The following GPRC5C variants were observed in gnomAD, a reference collection of about 807,000 sequenced individuals.
GPRC5C encodes the protein G protein-coupled receptor family C group 5 member C.
GPRC5C carries 22 observed loss-of-function variants against 31.4 expected under a neutral mutation model. The ratio of observed to expected loss-of-function variants is 0.70; its 90% CI spans 0.50 to 1.00. The LOEUF (loss-of-function observed/expected upper bound fraction) is 1.00. Ranked by LOEUF, GPRC5C falls within the 50% of genes least tolerant of loss-of-function variation. GPRC5C has a pLI of 0.00. For missense variants in GPRC5C, 557 were observed against 597.2 expected (o/e 0.93, Z 0.70); for synonymous variants, 249 against 257.5 (o/e 0.97, Z 0.32).
At position 74,440,131 on chromosome 17, in the gene GPRC5C, C is replaced by T. The variant is rs745465035; in HGVS notation, c.355C>T (p.Arg119Trp). 6.8e-6 allele frequency: 11 copies of T among 1,614,178 alleles called. No individual in the cohort carries two copies. The highest frequency in any genetic ancestry group is 4.5e-5 in the East Asian group (2 of 44,892). The part of the protein sequence containing the change: ...VKPDFSTCAS[R>W]RFLFGVLFAI... ...GCCCGACTTCTCCACCTGTGCCTCT[C>T]GGCGCTTCCTCTTTGGGGTTCTGTT... is the stretch of plus-strand genomic sequence containing the variant. The change falls in exon 2 of 4, where the codon CGG (arginine) becomes TGG (tryptophan). Residue 119 changes from arginine (R) to tryptophan (W), a missense_variant. By Grantham distance (101) the Arg-to-Trp change is moderately radical. Coordinates refer to ENST00000392627, the MANE Select transcript of GPRC5C (RefSeq NM_022036.4). This position sits in a 1 kb window ranked among gnomAD's most constrained non-coding sequence, Gnocchi z 4.4.
chr17:74,441,544 G>A (rs2055539997), intron 2 of GPRC5C, among the ~76,000 whole-genome samples: 1 of 152,140 alleles, frequency 6.6e-6, no homozygotes, highest in African/African-American at 2.4e-5. Flanking sequence ...ATTAGTGCCG[G>A]CTGGGCGCCA....
chr17:74,432,603 G>T (rs998795497), intron 1 of GPRC5C: 2 of 792,756 alleles, frequency 2.5e-6, no homozygotes, highest in African/African-American at 3.7e-5. Flanking sequence ...GCAGAGGCGG[G>T]GGGACTGGAC....
intron 2 of GPRC5C, among the ~76,000 whole-genome samples, chr17:74,441,513 G>T (rs1320965620): frequency 6.6e-6 from 1 of 152,028 alleles, no homozygotes; most frequent in South Asian, 2.1e-4. Flanking sequence ...ATTTCATAGG[G>T]TTCTTGTGAG....
chr17:74,432,945 A>AC, intron 1 of GPRC5C, among the ~76,000 whole-genome samples: 1 of 151,170 alleles, frequency 6.6e-6, no homozygotes, highest in South Asian at 2.1e-4. Flanking sequence ...GCAGGTGTAG[A>AC]CCCCAGTACC....
At chr17:74,432,998 G>A (rs1439600452) in intron 1 of GPRC5C, among the ~76,000 whole-genome samples, 2 of 152,040 alleles carry the variant, frequency 1.3e-5, no homozygotes, top group Non-Finnish European at 2.9e-5. Flanking sequence ...TCCCCCTGAG[G>A]GAAGTTTGGA....
rs372288571 is a variant in GPRC5C at position 74,446,818 on chromosome 17, C to T, written c.1147-31C>T. 31 of 1,559,324 alleles carry T rather than the reference C, an allele frequency of 2.0e-5. No individual in the cohort carries two copies. In the South Asian group the frequency reaches 2.3e-4, roughly 12 times the overall value. On this transcript the variant is annotated intron_variant, in intron 3 of 3. Transcript: ENST00000392627. ...CCGGCGGAACCTGGCTCCCAATCCC[C>T]GACTGTGAGACCGCCTGTTCTTCCT... is the stretch of plus-strand genomic sequence containing the variant.
intron 2 of GPRC5C, among the ~76,000 whole-genome samples, chr17:74,441,626 C>T (rs897998481): frequency 1.3e-5 from 2 of 152,204 alleles, no homozygotes; most frequent in East Asian, 3.9e-4. Flanking sequence ...AGTTTGAGAC[C>T]GGCCTGGACA....
At chr17:74,435,367 C>T in intron 1 of GPRC5C, among the ~76,000 whole-genome samples, 1 of 152,222 alleles carries the variant, frequency 6.6e-6, no homozygotes, top group East Asian at 1.9e-4. Flanking sequence ...CCAGGTTTCC[C>T]ACCTGAGTCC....
intron 1 of GPRC5C, among the ~76,000 whole-genome samples, chr17:74,437,611 A>C (rs912928424): frequency 1.3e-5 from 2 of 149,482 alleles, no homozygotes; most frequent in Non-Finnish European, 2.9e-5. Context: ...GTTCTTTCAC[A>C]TAACAATTAT....
Position 74,440,223 on chromosome 17 carries a change from C to T in GPRC5C, c.447C>T (p.His149=), listed in dbSNP as rs371327877. The change falls in exon 2 of 4, where the codon CAC becomes CAT. Residue 149 remains histidine (H), a synonymous_variant. Transcript: ENST00000392627. This position sits in a 1 kb window ranked among gnomAD's most constrained non-coding sequence, Gnocchi z 4.4. ...TCAACTTCCTGGCCCGGAAGAACCACGGGCCCCGGGGCTGGGTGATCTTCA... is the reference window on the plus strand; with the variant it reads ...TCAACTTCCTGGCCCGGAAGAACCATGGGCCCCGGGGCTGGGTGATCTTCA... ...FALNFLARKN[H]GPRGWVIFTV... 1.7e-5 allele frequency: 28 copies of T among 1,614,070 alleles called. No homozygotes were observed. Among genetic ancestry groups the T allele is most frequent in the Middle Eastern group, 1.6e-4 (1 of 6,080 alleles).
chr17:74,440,874 T>A lies in GPRC5C; in HGVS notation c.1051+47T>A. 1 of 1,426,698 alleles carries A rather than the reference T, an allele frequency of 7.0e-7. No individual in the cohort carries two copies. Among genetic ancestry groups the A allele is most frequent in the Non-Finnish European group, 9.2e-7 (1 of 1,081,802 alleles). The allele number at this position is 1,426,698 out of a possible 1,614,324, so 88.4% of individuals were successfully genotyped here. A position where few individuals can be genotyped will look rare whatever the true frequency, so the allele number is the denominator to read the frequency against. ...CAGTGGCCCCTTTCTCCATCCCATG[T>A]CTTTTACTGCAGGACAGGGAGCCAG... On this transcript the variant is annotated intron_variant, in intron 2 of 3. Coordinates refer to ENST00000392627, the MANE Select transcript of GPRC5C (RefSeq NM_022036.4). This position sits in a 1 kb window ranked among gnomAD's most constrained non-coding sequence, Gnocchi z 4.4.
Position 74,447,249 on chromosome 17 carries a change from G to A in GPRC5C, c.*221G>A. 1 of 1,304,770 alleles carries A rather than the reference G, an allele frequency of 7.7e-7. No individual in the cohort carries two copies. The highest frequency in any genetic ancestry group is 9.8e-7 in the Non-Finnish European group (1 of 1,025,440). 80.8% of individuals were successfully genotyped at this position (1,304,770 alleles called of 1,614,324 possible). A position where few individuals can be genotyped will look rare whatever the true frequency, so the allele number is the denominator to read the frequency against. On this transcript the variant is annotated 3_prime_UTR_variant, in exon 4 of 4. Coordinates refer to ENST00000392627, the MANE Select transcript of GPRC5C (RefSeq NM_022036.4). The stretch of plus-strand genomic sequence containing the variant: ...GTCGAGGAGCCAACCCCAGCCTCCT[G>A]CCAGGATCACCTCGGCGGTCACACT...
chr17:74,442,115 G>A (rs1567962336), intron 2 of GPRC5C, among the ~76,000 whole-genome samples: 1 of 152,090 alleles, frequency 6.6e-6, no homozygotes, highest in Non-Finnish European at 1.5e-5. Flanking sequence ...AGATTCTCCT[G>A]CCTCAGCCTC....
downstream of GPRC5C, chr17:74,448,682 C>G (rs1260572637): frequency 2.4e-6 from 1 of 413,376 alleles, no homozygotes; most frequent in Non-Finnish European, 4.9e-6. Context: ...CTCGGCCCAT[C>G]AGCTCATTTT....
chr17:74,445,268 A>G (rs7502368), intron 3 of GPRC5C: 91,324 of 117,860 alleles, frequency 0.77, 32,919 homozygotes, highest in Non-Finnish European at 0.82. Context: ...AATAAATAAG[A>G]AAAAAAAAAA....
intron 3 of GPRC5C, 64 bp from the exon 4 acceptor site, chr17:74,446,785 C>A: frequency 7.8e-7 from 1 of 1,276,894 alleles, no homozygotes; most frequent in Non-Finnish European, 1.1e-6. Flanking sequence ...AGTGTTTGTG[C>A]ATCCGCCCCG....
intron 1 of GPRC5C, among the ~76,000 whole-genome samples, chr17:74,438,087 T>C (rs2055461511): frequency 6.6e-6 from 1 of 150,842 alleles, no homozygotes; most frequent in Non-Finnish European, 1.5e-5. Flanking sequence ...CAGGCTGCAG[T>C]GCAGTGGTGC....
At chr17:74,442,202 T>G (rs375588395) in intron 2 of GPRC5C, among the ~76,000 whole-genome samples, 1 of 152,080 alleles carries the variant, frequency 6.6e-6, no homozygotes, top group Non-Finnish European at 1.5e-5. Context: ...GGGATTTCAC[T>G]ATGTTGGCCA....
intron 2 of GPRC5C, chr17:74,443,162 C>T (rs1388774266): frequency 1.1e-5 from 2 of 182,386 alleles, no homozygotes; most frequent in African/African-American, 4.8e-5. Context: ...CTCAAACACC[C>T]TGGGAGTGCC....
Sources: allele counts gnomAD v4.1 joint callset (sites outside exome capture counted in the v4.1 genomes callset), GRCh38; gene constraint gnomAD v4.1.1; non-coding constraint Gnocchi (gnomAD v3.1); transcripts MANE v1.5; gene names NCBI Gene and HGNC (gene_info 2026-07-23, HGNC 2026-07-21).